The following FUT8 variants were observed in gnomAD, a reference collection of about 807,000 sequenced individuals.
The protein encoded by FUT8 is fucosyltransferase 8, also known as alpha-(1,6)-fucosyltransferase.
FUT8 carries 29 observed loss-of-function variants against 71.3 expected under a neutral mutation model. The observed-to-expected ratio is 0.41, with a 90% CI of 0.30 to 0.55. The LOEUF is 0.55. Among genes scored for constraint, FUT8 ranks in the 20% least tolerant of loss-of-function variants. FUT8 has a pLI of 0.34. For synonymous variants in FUT8, 254 were observed against 239.3 expected (o/e 1.06, Z -0.57); for missense variants, 544 against 702.1 (o/e 0.77, Z 2.55).
rs1261361897 is a variant in FUT8 at position 65,721,836 on chromosome 14, C to T, written c.897C>T (p.Pro299=). Residue 299 remains proline, a synonymous_variant, in exon 8 of 11, where the codon CCC becomes CCT. Coordinates refer to ENST00000673929, the MANE Select transcript of FUT8 (RefSeq NM_001371533.1). ...VELPIVDSLH[P]RPPYLPLAVP... is the part of the protein sequence containing the mutation. ...TTCCCATTGTAGACAGTCTTCATCCCCGTCCTCCATATTTACCCTTGGCTG... is the reference window on the plus strand; with the variant it reads ...TTCCCATTGTAGACAGTCTTCATCCTCGTCCTCCATATTTACCCTTGGCTG... 8 of 1,613,970 alleles carry T rather than the reference C, an allele frequency of 5.0e-6. No homozygotes were observed. Among genetic ancestry groups the T allele is most frequent in the Admixed American group, 1.7e-5 (1 of 59,996 alleles).
the FUT8 span, among the ~76,000 whole-genome samples, chr14:65,377,175 C>A: frequency 1.4e-3 from 216 of 152,202 alleles, 2 homozygotes; most frequent in East Asian, 0.023. Flanking sequence ...GACAATTATC[C>A]TACATGCTGC....
intron 3 of FUT8, among the ~76,000 whole-genome samples, chr14:65,581,280 C>G (rs980527053): frequency 4.6e-5 from 7 of 152,050 alleles, no homozygotes; most frequent in Admixed American, 4.6e-4. Flanking sequence ...AGTACAATAA[C>G]ATTTTGATAT....
At position 65,451,894 on chromosome 14, in the gene FUT8, C is replaced by T. The variant is rs558531216; in HGVS notation, c.-325-3727C>T. ...GGCACAGGATGGGATGGGGCAGGAC[C>T]GTGGGTGATTTAGGAAAAGGCAACA... On this transcript the variant is annotated intron_variant, in intron 1 of 10. Transcript: ENST00000673929. Among the ~76,000 whole-genome samples the T allele has an allele frequency of 4.6e-5, 7 of 152,046 alleles. No homozygotes were observed. The East Asian group carries it at 5.8e-4, about 13-fold the overall frequency.
chr14:65,401,978 G>A, the FUT8 span, among the ~76,000 whole-genome samples: 2 of 151,726 alleles, frequency 1.3e-5, no homozygotes, highest in Admixed American at 6.6e-5. Flanking sequence ...ATGCGGAAAC[G>A]TGAGAGACAT....
intron 7 of FUT8, among the ~76,000 whole-genome samples, chr14:65,715,499 T>G (rs929240967): frequency 6.6e-6 from 1 of 152,210 alleles, no homozygotes; most frequent in African/African-American, 2.4e-5. Context: ...TTTTACTAAT[T>G]TTGGGTTTGA....
At chr14:65,662,611 G>A (rs898337423) in intron 6 of FUT8, among the ~76,000 whole-genome samples, 13 of 152,068 alleles carry the variant, frequency 8.5e-5, no homozygotes, top group Non-Finnish European at 1.9e-4. Context: ...CAAAAAACTG[G>A]ATTTATTCAG....
intron 3 of FUT8, among the ~76,000 whole-genome samples, chr14:65,563,825 G>A (rs138660237): frequency 6.6e-6 from 1 of 151,948 alleles, no homozygotes; most frequent in East Asian, 1.9e-4. Flanking sequence ...TAATCTTTAG[G>A]TCTATTAAGT....
chr14:65,383,201 T>G, the FUT8 span, among the ~76,000 whole-genome samples: 2 of 152,110 alleles, frequency 1.3e-5, no homozygotes, highest in African/African-American at 4.8e-5. Flanking sequence ...GAGATCTTTC[T>G]GGAACACAGT....
At chr14:65,468,211 A>G (rs2139616693) in intron 2 of FUT8, 2 of 629,236 alleles carry the variant, frequency 3.2e-6, no homozygotes, top group Non-Finnish European at 6.0e-6. Flanking sequence ...AATAGTACCC[A>G]TTCCCTTGAT....
chr14:65,365,222 T>C, the FUT8 span, among the ~76,000 whole-genome samples: 1 of 152,106 alleles, frequency 6.6e-6, no homozygotes, highest in East Asian at 1.9e-4. Flanking sequence ...GTAACTTCAT[T>C]AAATACTCTG....
In FUT8 at chr14:65,727,849, A is replaced by G. The variant is rs184621244; in HGVS notation, c.1259+3526A>G. On this transcript the variant is annotated intron_variant, in intron 9 of 10. Coordinates refer to ENST00000673929, the MANE Select transcript of FUT8 (RefSeq NM_001371533.1). ...AACTGAATGCCTTTAGCAGCAACCA[A>G]GTCACCTCTTGAAATCTTTGCTGCT... 1.2e-4 allele frequency among the ~76,000 whole-genome samples: 18 copies of G among 152,320 alleles called. 1 individual carries two copies. Among genetic ancestry groups the G allele is most frequent in the Non-Finnish European group, 2.5e-4 (17 of 68,012 alleles).
At chr14:65,437,787 A>G (rs147554278) in intron 1 of FUT8, among the ~76,000 whole-genome samples, 16 of 152,332 alleles carry the variant, frequency 1.1e-4, no homozygotes, top group Admixed American at 2.6e-4. Context: ...GATGTGCTTT[A>G]TGGATGCAAG....
chr14:65,443,946 G>A (rs1201622939), intron 1 of FUT8, among the ~76,000 whole-genome samples: 1 of 152,000 alleles, frequency 6.6e-6, no homozygotes, highest in Non-Finnish European at 1.5e-5. Flanking sequence ...GCTTTTTAAT[G>A]TTTTCAATAA....
At chr14:65,420,149 T>C (rs2065271907) in intron 1 of FUT8, among the ~76,000 whole-genome samples, 1 of 151,662 alleles carries the variant, frequency 6.6e-6, no homozygotes, top group Admixed American at 6.6e-5. Flanking sequence ...TTAATAATAA[T>C]AAAAAAAAGA....
chr14:65,653,544 A>G (rs568103989), intron 6 of FUT8, among the ~76,000 whole-genome samples: 8 of 152,190 alleles, frequency 5.3e-5, no homozygotes, highest in Admixed American at 2.0e-4. Flanking sequence ...AAAAACTCAG[A>G]TCCATTCCCA....
In FUT8 at chr14:65,489,963, G is replaced by T. The variant is rs977473682; in HGVS notation, c.-228+34245G>T. On this transcript the variant is annotated intron_variant, in intron 2 of 10. Transcript: ENST00000673929. The surrounding 1 kb of genome is among the most constrained non-coding windows in gnomAD (Gnocchi z 4.0). ...TATAACAATTCTTAATCTATTAGTT[G>T]CAGGGCAAAAATAATAAAATATTAA... is the stretch of plus-strand genomic sequence containing the variant. Among the ~76,000 whole-genome samples the T allele has an allele frequency of 6.6e-6, 1 of 152,028 alleles. No individual in the cohort carries two copies. Among genetic ancestry groups the T allele is most frequent in the Non-Finnish European group, 1.5e-5 (1 of 67,954 alleles).
At chr14:65,396,964 G>A in the FUT8 span, among the ~76,000 whole-genome samples, 1 of 152,266 alleles carries the variant, frequency 6.6e-6, no homozygotes, top group Non-Finnish European at 1.5e-5. This position sits in a 1 kb window ranked among gnomAD's most constrained non-coding sequence, Gnocchi z 5.5. Context: ...TCCCACCTCA[G>A]CCTCCTGAGT....
intron 6 of FUT8, among the ~76,000 whole-genome samples, chr14:65,632,717 T>G (rs1566864126): frequency 1.3e-5 from 2 of 152,212 alleles, no homozygotes; most frequent in African/African-American, 4.8e-5. Context: ...ACTCTTTAGT[T>G]TAATTACCTC....
chr14:65,529,694 C>T (rs892636849), intron 2 of FUT8: 20 of 152,446 alleles, frequency 1.3e-4, no homozygotes, highest in African/African-American at 9.6e-5. Context: ...GGTCACTTAG[C>T]GGGGGATGTT....
Sources: allele counts gnomAD v4.1 joint callset (sites outside exome capture counted in the v4.1 genomes callset), GRCh38; gene constraint gnomAD v4.1.1; non-coding constraint Gnocchi (gnomAD v3.1); transcripts MANE v1.5; gene names NCBI Gene and HGNC (gene_info 2026-07-23, HGNC 2026-07-21).